Variants in POU2AF3 observed in about 807,000 individuals in gnomAD.
POU2AF3 encodes cancer susceptibility candidate 13.
chr11:111,306,769 A>C, the POU2AF3 span: 1 of 670,526 alleles, frequency 1.5e-6, no homozygotes, highest in Non-Finnish European at 2.5e-6. Context: ...AGAATTTAAA[A>C]GTCAATGTAT....
chr11:111,305,097 A>G, the POU2AF3 span: 1 of 533,132 alleles, frequency 1.9e-6, no homozygotes, highest in Non-Finnish European at 2.9e-6. Flanking sequence ...ATTGGAATCC[A>G]ACCAATCAGA....
the POU2AF3 span, among the ~76,000 whole-genome samples, chr11:111,300,965 G>A: frequency 0.043 from 6,514 of 152,266 alleles, 455 homozygotes; most frequent in African/African-American, 0.15. Flanking sequence ...TACAGCCCTT[G>A]CAGACCCATA....
the POU2AF3 span, among the ~76,000 whole-genome samples, chr11:111,305,850 T>C: frequency 7.4e-4 from 112 of 152,340 alleles, no homozygotes; most frequent in Non-Finnish European, 1.3e-3. Flanking sequence ...GTACTCTATG[T>C]TCCTGGTTTC....
the POU2AF3 span, among the ~76,000 whole-genome samples, chr11:111,305,756 T>C: frequency 6.6e-6 from 1 of 152,256 alleles, no homozygotes; most frequent in Admixed American, 6.5e-5. Context: ...GTTTAACAAC[T>C]TACTTTGATC....
At chr11:111,302,356 G>A in the POU2AF3 span, among the ~76,000 whole-genome samples, 2 of 152,160 alleles carry the variant, frequency 1.3e-5, no homozygotes, top group African/African-American at 4.8e-5. Context: ...CAAGGGAACT[G>A]GAAAATGCTT....
chr11:111,304,389 G>A, the POU2AF3 span, among the ~76,000 whole-genome samples: 3 of 152,010 alleles, frequency 2.0e-5, no homozygotes, highest in African/African-American at 4.8e-5. Context: ...TTCTCAAACT[G>A]TTACATTTTT....
chr11:111,303,892 T>TAA, the POU2AF3 span, among the ~76,000 whole-genome samples: 18 of 141,720 alleles, frequency 1.3e-4, no homozygotes, highest in South Asian at 2.3e-4. Context: ...ACCTGAAATT[T>TAA]AAAAAAAAAA....
the POU2AF3 span, chr11:111,299,097 T>C: frequency 1.6e-4 from 152 of 971,438 alleles, no homozygotes; most frequent in Non-Finnish European, 1.8e-4. Context: ...GCCTGGGCCC[T>C]GCGGGCGGGG....
the POU2AF3 span, among the ~76,000 whole-genome samples, chr11:111,301,949 A>AT: frequency 6.6e-6 from 1 of 152,238 alleles, no homozygotes; most frequent in Non-Finnish European, 1.5e-5. Context: ...AATTTGGCAT[A>AT]TACAGCACAT....
the POU2AF3 span, chr11:111,298,826 G>GCGCCC: frequency 2.5e-6 from 2 of 790,958 alleles, no homozygotes; most frequent in South Asian, 6.7e-5. Flanking sequence ...CGTACCCCAG[G>GCGCCC]CCCCCGCCCG....
chr11:111,300,106 C>G, the POU2AF3 span: 1 of 382,952 alleles, frequency 2.6e-6, no homozygotes, highest in East Asian at 3.7e-5. Flanking sequence ...AGAGAAAGCC[C>G]CCTGCCCCAG....
At chr11:111,304,390 T>C in the POU2AF3 span, among the ~76,000 whole-genome samples, 1 of 152,214 alleles carries the variant, frequency 6.6e-6, no homozygotes, top group South Asian at 2.1e-4. Flanking sequence ...TCTCAAACTG[T>C]TACATTTTTA....
the POU2AF3 span, chr11:111,308,046 T>C: frequency 6.8e-7 from 1 of 1,472,760 alleles, no homozygotes; most frequent in Non-Finnish European, 9.0e-7. Context: ...AAGCTCTTTG[T>C]TTCTTGGTTG....
the POU2AF3 span, chr11:111,299,130 C>T: frequency 1.0e-6 from 1 of 954,468 alleles, no homozygotes; most frequent in Non-Finnish European, 1.2e-6. Context: ...TGGGTCCGGG[C>T]TAGGAAGAGC....
chr11:111,298,842 C>CCCCCCCAA, the POU2AF3 span: 2 of 1,184,726 alleles, frequency 1.7e-6, no homozygotes, highest in Non-Finnish European at 2.1e-6. Flanking sequence ...GCCCGCCCTC[C>CCCCCCCAA]CACGTATCCA....
chr11:111,304,349 A>T, the POU2AF3 span, among the ~76,000 whole-genome samples: 334 of 152,312 alleles, frequency 2.2e-3, no homozygotes, highest in African/African-American at 7.8e-3. Context: ...TTTAAATCGA[A>T]TAGTTTAATA....
the POU2AF3 span, chr11:111,308,512 A>T: frequency 1.4e-6 from 2 of 1,392,146 alleles, no homozygotes; most frequent in East Asian, 2.5e-5. Context: ...ACTGCAAAAT[A>T]TGCAACTTGG....
At chr11:111,303,258 GAC>G in the POU2AF3 span, among the ~76,000 whole-genome samples, 37,895 of 152,020 alleles carry the variant, frequency 0.25, 5,272 homozygotes, top group South Asian at 0.46. Flanking sequence ...CACACACACA[GAC>G]ACACACACAC....
chr11:111,305,657 T>TCGAAA, the POU2AF3 span, among the ~76,000 whole-genome samples: 1 of 152,240 alleles, frequency 6.6e-6, no homozygotes, highest in Non-Finnish European at 1.5e-5. Flanking sequence ...TCCTCTCTTC[T>TCGAAA]TCCAGCATTT....
Sources: allele counts gnomAD v4.1 joint callset (sites outside exome capture counted in the v4.1 genomes callset), GRCh38; gene constraint gnomAD v4.1.1; transcripts MANE v1.5; gene names NCBI Gene and HGNC (gene_info 2026-07-23, HGNC 2026-07-21).